Variants in ACO2 observed in about 807,000 individuals in gnomAD.
The protein encoded by ACO2 is aconitase 2.
In ACO2, 31 loss-of-function variants were observed where a neutral mutation model predicts 84.5. The ratio of observed to expected loss-of-function variants is 0.37; its 90% CI spans 0.28 to 0.50. The LOEUF (loss-of-function observed/expected upper bound fraction) is 0.50. Among genes scored for constraint, ACO2 ranks in the 20% least tolerant of loss-of-function variants. The pLI, the probability that ACO2 is intolerant of heterozygous loss-of-function variation, is 0.97. For synonymous variants in ACO2, 414 were observed against 412.7 expected (o/e 1.00, Z -0.04); for missense variants, 685 against 1,029.3 (o/e 0.67, Z 4.58).
intron 2 of ACO2, among the ~76,000 whole-genome samples, chr22:41,502,943 A>G (rs2066364132): frequency 6.6e-6 from 1 of 151,582 alleles, no homozygotes; most frequent in Admixed American, 6.6e-5. Flanking sequence ...AATTTTAAAG[A>G]TGGGCTGCCC....
At chr22:41,507,343 A>C (rs2066401018) in intron 2 of ACO2, among the ~76,000 whole-genome samples, 1 of 152,100 alleles carries the variant, frequency 6.6e-6, no homozygotes, top group African/African-American at 2.4e-5. Flanking sequence ...GAGGGCACAG[A>C]GGGAAGTAGC....
intron 1 of ACO2, among the ~76,000 whole-genome samples, chr22:41,491,445 G>T (rs1049381949): frequency 6.6e-6 from 1 of 152,192 alleles, no homozygotes; most frequent in East Asian, 1.9e-4. Flanking sequence ...GTCCAAAGTT[G>T]GAAGGGGGTC....
At chr22:41,506,513 A>G (rs1019454785) in intron 2 of ACO2, among the ~76,000 whole-genome samples, 5 of 152,086 alleles carry the variant, frequency 3.3e-5, no homozygotes, top group African/African-American at 9.7e-5. Flanking sequence ...TCGGCCTCCC[A>G]AAGTGCTGAG....
intron 15 of ACO2, 53 bp from the exon 16 acceptor site, chr22:41,527,235 G>T: frequency 6.2e-7 from 1 of 1,613,576 alleles, no homozygotes; most frequent in Non-Finnish European, 8.5e-7. Context: ...GGCCAGACAG[G>T]TGAGGACGGT....
chr22:41,471,327 T>C (rs925434821), intron 1 of ACO2, among the ~76,000 whole-genome samples: 4 of 152,240 alleles, frequency 2.6e-5, no homozygotes, highest in African/African-American at 9.6e-5. Flanking sequence ...AACAATATTA[T>C]GCAGTTTGCA....
In ACO2 at chr22:41,508,026, G is replaced by A. The variant is rs778653392; in HGVS notation, c.409G>A (p.Glu137Lys). The A allele has an allele frequency of 1.9e-5, 30 of 1,612,624 alleles. No homozygotes were observed. The highest frequency in any genetic ancestry group is 1.1e-4 in the East Asian group (5 of 44,842). The change falls in exon 3 of 18, where the codon GAG (glutamate) becomes AAG (lysine). Residue 137 changes from glutamate (E) to lysine (K), a missense_variant. Physicochemically the swap from Glu to Lys is moderately conservative, Grantham distance 56. Transcript: ENST00000216254. Reference protein sequence around the residue: ...DHLIEAQVGGEKDLRRAKDIN... With the variant: ...DHLIEAQVGGKKDLRRAKDIN... ...TCTGATTGAAGCCCAGGTTGGGGGC[G>A]AGAAAGACCTGCGCCGGGCCAAGGT... is the stretch of plus-strand genomic sequence containing the variant.
At chr22:41,492,001 C>T (rs1224367712) in intron 1 of ACO2, among the ~76,000 whole-genome samples, 3 of 152,152 alleles carry the variant, frequency 2.0e-5, no homozygotes, top group Non-Finnish European at 2.9e-5. Context: ...TGATCCATCA[C>T]AGAAGGAGAG....
intron 8 of ACO2, 62 bp downstream of exon 8, chr22:41,518,634 C>A: frequency 7.6e-7 from 1 of 1,322,366 alleles, no homozygotes; most frequent in Non-Finnish European, 1.1e-6. Flanking sequence ...AGGGCGGGTC[C>A]TGCCTAAATA....
chr22:41,481,990 A>G (rs891495301), intron 1 of ACO2, among the ~76,000 whole-genome samples: 20 of 152,210 alleles, frequency 1.3e-4, no homozygotes, highest in Admixed American at 9.2e-4. Flanking sequence ...TAGTAATCCC[A>G]CTTGGCACAA....
intron 1 of ACO2, among the ~76,000 whole-genome samples, chr22:41,485,380 A>T (rs537005264): frequency 6.7e-5 from 10 of 150,274 alleles, no homozygotes; most frequent in Non-Finnish European, 1.5e-4. Flanking sequence ...AGCTCACCAC[A>T]ACCTCTGCCT....
intron 14 of ACO2, 141 bp downstream of exon 14, chr22:41,525,489 G>C: frequency 9.1e-7 from 1 of 1,093,438 alleles, no homozygotes; most frequent in South Asian, 1.5e-5. Context: ...TGGCTGCAGA[G>C]CAGAGAGGGT....
chr22:41,473,977 T>C (rs1185353210), intron 1 of ACO2, among the ~76,000 whole-genome samples: 2 of 151,794 alleles, frequency 1.3e-5, no homozygotes, highest in Admixed American at 6.6e-5. Flanking sequence ...AACTGGGAGA[T>C]TTTAAGCCAG....
chr22:41,523,008 G>A (rs1481262594), intron 10 of ACO2, 21 bp downstream of exon 10: 3 of 1,613,048 alleles, frequency 1.9e-6, no homozygotes, highest in Non-Finnish European at 2.5e-6. Flanking sequence ...ATATCCCCCT[G>A]CCCATCTCCC....
At position 41,528,723 on chromosome 22, in the gene ACO2, A is replaced by G; in HGVS notation, c.*110A>G. 6.9e-7 allele frequency: 1 copy of G among 1,440,500 alleles called. No homozygotes were observed. Among genetic ancestry groups the G allele is most frequent in the Non-Finnish European group, 9.3e-7 (1 of 1,079,374 alleles). 89.2% of individuals were successfully genotyped at this position (1,440,500 alleles called of 1,614,324 possible). ...TCCTATTCCAAGATGGTGTGACCAG[A>G]CATGCTTCCTGCTCCCCGCTTAGCC... On this transcript the variant is annotated 3_prime_UTR_variant, in exon 18 of 18. Transcript: ENST00000216254.
intron 1 of ACO2, among the ~76,000 whole-genome samples, chr22:41,472,876 G>A (rs2037963051): frequency 6.6e-6 from 1 of 152,190 alleles, no homozygotes; most frequent in African/African-American, 2.4e-5. Context: ...GTTTGGTTTT[G>A]CCTTGAGATA....
intron 15 of ACO2, chr22:41,526,952 C>T: frequency 2.4e-6 from 1 of 414,282 alleles, no homozygotes; most frequent in Non-Finnish European, 4.4e-6. Context: ...CCTTGAGCTT[C>T]ACAGATGCAT....
intron 2 of ACO2, among the ~76,000 whole-genome samples, 187 bp from the exon 3 acceptor site, chr22:41,507,604 G>C (rs1394651212): frequency 6.6e-6 from 1 of 152,190 alleles, no homozygotes; most frequent in Admixed American, 6.5e-5. Flanking sequence ...GGTGCTGCAG[G>C]AGGTGAGGAG....
chr22:41,500,593 C>G (rs2066347511), intron 2 of ACO2, among the ~76,000 whole-genome samples: 1 of 151,888 alleles, frequency 6.6e-6, no homozygotes, highest in Admixed American at 6.6e-5. Context: ...CCATGTTGCC[C>G]AGGCTGGTCT....
chr22:41,525,412 G>A (rs973872159), intron 14 of ACO2, 64 bp downstream of exon 14: 21 of 1,589,610 alleles, frequency 1.3e-5, no homozygotes, highest in Middle Eastern at 2.1e-4. Flanking sequence ...CCTGAGCATC[G>A]GGAAGGGCCA....
Sources: allele counts gnomAD v4.1 joint callset (sites outside exome capture counted in the v4.1 genomes callset), GRCh38; gene constraint gnomAD v4.1.1; transcripts MANE v1.5; gene names NCBI Gene and HGNC (gene_info 2026-07-23, HGNC 2026-07-21).